Variants in OSBPL6 observed in about 807,000 individuals in gnomAD.
The protein encoded by OSBPL6 is oxysterol binding protein like 6, also known as oxysterol-binding protein-related protein 6.
OSBPL6 carries 49 observed loss-of-function variants against 125.8 expected under a neutral mutation model. The observed-to-expected ratio is 0.39, with a 90% CI of 0.31 to 0.49. The LOEUF is 0.49. OSBPL6 is among the 20% of genes least tolerant of loss of function. The probability of loss-of-function intolerance (pLI) is 0.88; values close to 1 mark genes in which losing one functional copy is unlikely to be tolerated. For missense variants in OSBPL6, 986 were observed against 1,135.4 expected (o/e 0.87, Z 1.89); for synonymous variants, 394 against 391.8 (o/e 1.01, Z -0.07).
At chr2:178,213,765 C>T (rs1261042075) in intron 1 of OSBPL6, among the ~76,000 whole-genome samples, 1 of 152,172 alleles carries the variant, frequency 6.6e-6, no homozygotes, top group Non-Finnish European at 1.5e-5. Flanking sequence ...TACAACAGCC[C>T]AGACTGACTG....
intron 11 of OSBPL6, 116 bp downstream of exon 11, chr2:178,339,880 C>A: frequency 1.7e-6 from 1 of 592,508 alleles, no homozygotes; most frequent in Non-Finnish European, 2.7e-6. Flanking sequence ...TTAAAGCCAG[C>A]ACTTTTCAAA....
intron 11 of OSBPL6, among the ~76,000 whole-genome samples, chr2:178,342,948 C>T (rs1169453537): frequency 1.3e-5 from 2 of 152,096 alleles, no homozygotes; most frequent in African/African-American, 2.4e-5. Context: ...CCTTTTACTA[C>T]ATTAAGTAGA....
At chr2:178,232,683 A>G (rs1574565870) in intron 1 of OSBPL6, among the ~76,000 whole-genome samples, 1 of 151,842 alleles carries the variant, frequency 6.6e-6, no homozygotes, top group Non-Finnish European at 1.5e-5. Context: ...CATTTTGCTT[A>G]TTGTTTTTAC....
chr2:178,384,708 C>T (rs56089673), intron 18 of OSBPL6, among the ~76,000 whole-genome samples: 2,208 of 152,134 alleles, frequency 0.015, 26 homozygotes, highest in Middle Eastern at 0.058. Context: ...CTCAGGTGAG[C>T]AGAAGGATGA....
At chr2:178,329,792 A>G (rs1397583903) in intron 5 of OSBPL6, among the ~76,000 whole-genome samples, 1 of 152,196 alleles carries the variant, frequency 6.6e-6, no homozygotes, top group Non-Finnish European at 1.5e-5. Context: ...TATATTTGGC[A>G]CATCTGCACG....
At chr2:178,228,339 T>G (rs1261343151) in intron 1 of OSBPL6, among the ~76,000 whole-genome samples, 1 of 152,114 alleles carries the variant, frequency 6.6e-6, no homozygotes, top group Non-Finnish European at 1.5e-5. Flanking sequence ...ATCGAGACCA[T>G]CCTGGCTAAC....
intron 22 of OSBPL6, among the ~76,000 whole-genome samples, chr2:178,391,965 C>T (rs889147569): frequency 1.5e-4 from 23 of 152,210 alleles, no homozygotes; most frequent in African/African-American, 5.1e-4. Context: ...ATGAGCAAGA[C>T]ATACAAAGAT....
intron 1 of OSBPL6, among the ~76,000 whole-genome samples, chr2:178,273,934 A>C (rs1031221202): frequency 3.3e-5 from 5 of 152,118 alleles, no homozygotes; most frequent in African/African-American, 1.2e-4. Flanking sequence ...TATCTCTGGC[A>C]AACAAGACAC....
rs1559325826 is a variant in OSBPL6 at position 178,386,963 on chromosome 2, CA to C, written c.2078-95del. On this transcript the variant is annotated intron_variant, in intron 19 of 24. Coordinates refer to ENST00000190611, the MANE Select transcript of OSBPL6 (RefSeq NM_032523.4). ...AGCAATATAGAATCAGTTGTCATTCCAAAGTGTTTCATAAAGTGTAATACAA... is the reference window on the plus strand; with the variant it reads ...AGCAATATAGAATCAGTTGTCATTCCAAGTGTTTCATAAAGTGTAATACAA... The C allele has an allele frequency of 4.6e-6, 3 of 650,094 alleles. 1 individual carries two copies. Among genetic ancestry groups the C allele is most frequent in the Non-Finnish European group, 2.5e-6 (1 of 396,848 alleles). 40.3% of individuals were successfully genotyped at this position (650,094 alleles called of 1,614,324 possible).
At chr2:178,384,292 G>A (rs6734446) in intron 18 of OSBPL6, 116 bp downstream of exon 18, 58,332 of 1,330,474 alleles carry the variant, frequency 0.044, 3,087 homozygotes, top group African/African-American at 0.22. Flanking sequence ...TTGTGAATTC[G>A]AAGTATCTGA....
intron 2 of OSBPL6, among the ~76,000 whole-genome samples, chr2:178,290,525 C>T (rs923051228): frequency 1.3e-5 from 2 of 149,758 alleles, no homozygotes; most frequent in African/African-American, 4.9e-5. Context: ...GAAAAGAGAA[C>T]CTATCATATG....
intron 2 of OSBPL6, among the ~76,000 whole-genome samples, chr2:178,287,766 A>G (rs1228483873): frequency 6.6e-6 from 1 of 152,016 alleles, no homozygotes; most frequent in Non-Finnish European, 1.5e-5. Flanking sequence ...GGAATTAAAG[A>G]GTATGTGTGC....
intron 3 of OSBPL6, among the ~76,000 whole-genome samples, chr2:178,307,888 C>T (rs334606): frequency 0.74 from 112,414 of 152,030 alleles, 42,265 homozygotes; most frequent in Middle Eastern, 0.81. Context: ...CTGTTGCACC[C>T]GAGCTCCAGG....
chr2:178,334,427 C>G lies in OSBPL6; in HGVS notation c.657+1386C>G, dbSNP rs115424253. Among the ~76,000 whole-genome samples the G allele has an allele frequency of 9.4e-3, 1,434 of 152,264 alleles. 23 individuals carry two copies. The highest frequency in any genetic ancestry group is 0.033 in the African/African-American group (1,366 of 41,532). ...CCAAATCAGATTAAATGAAACATTA[C>G]TATATTCAGTTTTTGTTATTTTAAT... On this transcript the variant is annotated intron_variant, in intron 8 of 24. Transcript: ENST00000190611.
chr2:178,281,925 G>A (rs1414705193), intron 1 of OSBPL6, among the ~76,000 whole-genome samples: 2 of 152,126 alleles, frequency 1.3e-5, no homozygotes, highest in Non-Finnish European at 2.9e-5. Flanking sequence ...TAACAAACAT[G>A]TACATCCTGC....
chr2:178,349,065 T>C (rs1812550), intron 11 of OSBPL6, among the ~76,000 whole-genome samples, 159 bp from the exon 12 acceptor site: 44,822 of 152,068 alleles, frequency 0.29, 7,249 homozygotes, highest in African/African-American at 0.41. Context: ...TCCCTCTTCC[T>C]ACCCCAACTG....
chr2:178,287,153 A>ATT (rs1204095521), intron 2 of OSBPL6, among the ~76,000 whole-genome samples: 6 of 143,262 alleles, frequency 4.2e-5, no homozygotes, highest in Admixed American at 2.1e-4. Flanking sequence ...TTTTTTTAAA[A>ATT]AAAAAAAAAA....
chr2:178,214,743 T>C (rs1284480811), intron 1 of OSBPL6, among the ~76,000 whole-genome samples: 3 of 151,940 alleles, frequency 2.0e-5, no homozygotes, highest in Non-Finnish European at 4.4e-5. Context: ...CCCAGGAGTT[T>C]GAAGCCAGCC....
At chr2:178,200,842 T>C (rs2089210737) in intron 1 of OSBPL6, among the ~76,000 whole-genome samples, 1 of 151,978 alleles carries the variant, frequency 6.6e-6, no homozygotes. Flanking sequence ...GTCACCCAGG[T>C]TGGAGTGCAG....
Sources: gnomAD v4.1 joint callset for allele counts (sites outside exome capture counted in the v4.1 genomes callset) on GRCh38, gnomAD v4.1.1 for gene constraint, MANE v1.5 for transcripts, NCBI Gene and HGNC (gene_info 2026-07-23, HGNC 2026-07-21) for gene names.